Variants in RAB5IF observed in about 807,000 individuals in gnomAD.
RAB5IF encodes the protein GEL complex subunit OPTI.
In RAB5IF, 15 loss-of-function variants were observed where a neutral mutation model predicts 20.3. The observed-to-expected ratio is 0.74, with a 90% confidence interval of 0.50 to 1.14. RAB5IF has a LOEUF of 1.14. RAB5IF is among the 50% of genes most tolerant of loss of function. The probability of loss-of-function intolerance (pLI) is 0.00; values close to 1 mark genes in which losing one functional copy is unlikely to be tolerated. For synonymous variants in RAB5IF, 67 were observed against 63.7 expected (o/e 1.05, Z -0.25); for missense variants, 148 against 159.5 (o/e 0.93, Z 0.39).
At chr20:36,609,324 T>TCCG (rs1039200818) in intron 2 of RAB5IF, among the ~76,000 whole-genome samples, 1 of 151,028 alleles carries the variant, frequency 6.6e-6, no homozygotes, top group Non-Finnish European at 1.5e-5. Flanking sequence ...CTGCAACCTC[T>TCCG]CCGCCTCTGG....
intron 3 of RAB5IF, among the ~76,000 whole-genome samples, chr20:36,611,061 C>T (rs1490174245): frequency 6.6e-6 from 1 of 152,196 alleles, no homozygotes; most frequent in African/African-American, 2.4e-5. Context: ...GCAGTCTTGG[C>T]TCACTGCAGC....
chr20:36,609,480 T>G, intron 2 of RAB5IF, 121 bp from the exon 3 acceptor site: 1 of 1,396,678 alleles, frequency 7.2e-7, no homozygotes, highest in Non-Finnish European at 9.5e-7. Flanking sequence ...CCGCAAGTGA[T>G]CCGCCCACCT....
chr20:36,608,765 A>G (rs745794924), intron 2 of RAB5IF, among the ~76,000 whole-genome samples: 42 of 151,414 alleles, frequency 2.8e-4, no homozygotes, highest in Non-Finnish European at 4.6e-4. Context: ...GGGTTTCGCC[A>G]TGTTGGCCAG....
At chr20:36,609,250 C>T (rs1390804578) in intron 2 of RAB5IF, among the ~76,000 whole-genome samples, 130 of 135,668 alleles carry the variant, frequency 9.6e-4, no homozygotes, top group African/African-American at 4.0e-3. Context: ...CACACACACA[C>T]ACACACTATA....
At position 36,607,812 on chromosome 20, in the gene RAB5IF, TAGC is replaced by T. The variant is rs749191193; in HGVS notation, c.215_217del (p.Ala72del). ...TTGCCATTACGAGGGTTCTTGGGAA[TAGC>T]AGGGTAAGTCTTGGGTATCTTATAT... On this transcript the variant is annotated inframe_deletion, in exon 2 of 4. Transcript: ENST00000344795. 34 of 1,613,784 alleles carry T rather than the reference TAGC, an allele frequency of 2.1e-5. No homozygotes were observed. The highest frequency in any genetic ancestry group is 2.9e-5 in the Non-Finnish European group (34 of 1,179,848).
chr20:36,608,796 C>G (rs1301280695), intron 2 of RAB5IF, among the ~76,000 whole-genome samples: 1 of 151,694 alleles, frequency 6.6e-6, no homozygotes, highest in Non-Finnish European at 1.5e-5. Context: ...AATTCCTGAC[C>G]TCAGGTGATC....
intron 3 of RAB5IF, among the ~76,000 whole-genome samples, chr20:36,611,114 C>T (rs568619508): frequency 1.4e-4 from 21 of 152,192 alleles, no homozygotes; most frequent in Admixed American, 3.3e-4. Context: ...CTCAGCCTCC[C>T]GAGTAGTTGG....
intron 2 of RAB5IF, among the ~76,000 whole-genome samples, chr20:36,609,197 A>ACACACACACACACACC (rs2039028020): frequency 1.8e-5 from 1 of 54,582 alleles, no homozygotes; most frequent in African/African-American, 9.3e-5. Context: ...ACACACACGC[A>ACACACACACACACACC]CACACGCACA....
At chr20:36,611,968 T>C in intron 3 of RAB5IF, 42 bp from the exon 4 acceptor site, 1 of 1,611,104 alleles carries the variant, frequency 6.2e-7, no homozygotes, top group Non-Finnish European at 8.5e-7. Flanking sequence ...TCGGCCTGTG[T>C]TAAGCCAGGT....
Position 36,609,207 on chromosome 20 carries a change from A to C in RAB5IF, c.219-394A>C. On this transcript the variant is annotated intron_variant, in intron 2 of 3. Coordinates refer to ENST00000344795, the MANE Select transcript of RAB5IF (RefSeq NM_018840.5). ...CACACACACACACGCACACACGCACACACGCACACACGCACACACACACAC... is the reference window on the plus strand; with the variant it reads ...CACACACACACACGCACACACGCACCCACGCACACACGCACACACACACAC... Among the ~76,000 whole-genome samples, 2 of 65,848 alleles carry C rather than the reference A, an allele frequency of 3.0e-5. 1 individual carries two copies. The highest frequency in any genetic ancestry group is 5.8e-5 in the Non-Finnish European group (2 of 34,714). The allele number at this position is 65,848 out of a possible 152,430, so 43.2% of individuals were successfully genotyped here.
At chr20:36,607,375 C>T (rs1230649166) in intron 1 of RAB5IF, among the ~76,000 whole-genome samples, 1 of 151,568 alleles carries the variant, frequency 6.6e-6, no homozygotes, top group Non-Finnish European at 1.5e-5. Flanking sequence ...ATTAAAGGCG[C>T]CCGCCACAAC....
At chr20:36,606,800 A>G (rs953604914) in intron 1 of RAB5IF, among the ~76,000 whole-genome samples, 20 of 152,212 alleles carry the variant, frequency 1.3e-4, no homozygotes, top group Non-Finnish European at 2.8e-4. Context: ...GGAAGGGGCC[A>G]TCACAAACAG....
At chr20:36,607,069 G>A (rs1472277947) in intron 1 of RAB5IF, among the ~76,000 whole-genome samples, 1 of 152,138 alleles carries the variant, frequency 6.6e-6, no homozygotes, top group African/African-American at 2.4e-5. Flanking sequence ...TGAGTCGTCT[G>A]TGTTCTTCCA....
intron 2 of RAB5IF, among the ~76,000 whole-genome samples, chr20:36,609,197 ACACACG>A (rs1568595497): frequency 1.1e-4 from 6 of 54,596 alleles, no homozygotes; most frequent in South Asian, 7.2e-4. Context: ...ACACACACGC[ACACACG>A]CACACACGCA....
Position 36,607,829 on chromosome 20 carries a change from G to A in RAB5IF, c.218+11G>A, listed in dbSNP as rs1287058165. On this transcript the variant is annotated intron_variant, in intron 2 of 3. Coordinates refer to ENST00000344795, the MANE Select transcript of RAB5IF (RefSeq NM_018840.5). The stretch of plus-strand genomic sequence containing the variant: ...CTTGGGAATAGCAGGGTAAGTCTTG[G>A]GTATCTTATATTTTCATGGTATCAT... The A allele has an allele frequency of 1.9e-6, 3 of 1,613,168 alleles. No homozygotes were observed. Among genetic ancestry groups the A allele is most frequent in the Middle Eastern group, 1.7e-4 (1 of 6,060 alleles).
At chr20:36,610,153 G>A (rs557140722) in intron 3 of RAB5IF, among the ~76,000 whole-genome samples, 11 of 152,140 alleles carry the variant, frequency 7.2e-5, no homozygotes, top group East Asian at 5.8e-4. Context: ...GTGTAGTGGC[G>A]GGCGCCTGTA....
chr20:36,612,017 G>A lies in RAB5IF; in HGVS notation c.356G>A (p.Trp119Ter). ...TGCTTGTCTCCTCACTAGGTCATTT[G>A]GATCATCTTTTACACTGCCATCCAT... ...MTSFALFMVI[W>*]IIFYTAIHYD The change falls in exon 4 of 4, where the codon TGG becomes TAG. Residue 119 changes from tryptophan to a stop codon, truncating the protein, a stop_gained. Transcript: ENST00000344795. LOFTEE classifies it high-confidence loss of function. 1 of 1,614,110 alleles carries A rather than the reference G, an allele frequency of 6.2e-7. No individual in the cohort carries two copies. Among genetic ancestry groups the A allele is most frequent in the Non-Finnish European group, 8.5e-7 (1 of 1,180,010 alleles).
At chr20:36,609,253 ACAC>A (rs1568595791) in intron 2 of RAB5IF, among the ~76,000 whole-genome samples, 55 of 134,404 alleles carry the variant, frequency 4.1e-4, no homozygotes, top group African/African-American at 1.7e-3. Context: ...ACACACACAC[ACAC>A]TATATATAGA....
rs11540275 is a variant in RAB5IF, at chr20:36,605,929, G to C, written c.-23G>C. The C allele has an allele frequency of 6.8e-7, 1 of 1,464,944 alleles. No individual in the cohort carries two copies. The highest frequency in any genetic ancestry group is 9.1e-7 in the Non-Finnish European group (1 of 1,098,472). The allele number at this position is 1,464,944 out of a possible 1,614,324, so 90.7% of individuals were successfully genotyped here. A position where few individuals can be genotyped will look rare whatever the true frequency, so the allele number is the denominator to read the frequency against. The stretch of plus-strand genomic sequence containing the variant: ...GGCTCAGCCCGCGCGCCCCAGGCCC[G>C]GCCCGGGCGGCGCGACGGGAGGATG... On this transcript the variant is annotated 5_prime_UTR_variant, in exon 1 of 4. Transcript: ENST00000344795.
Sources: allele counts gnomAD v4.1 joint callset (sites outside exome capture counted in the v4.1 genomes callset), GRCh38; gene constraint gnomAD v4.1.1; transcripts MANE v1.5; gene names NCBI Gene and HGNC (gene_info 2026-07-23, HGNC 2026-07-21).